The following ARID3A variants were observed in gnomAD, a reference collection of about 807,000 sequenced individuals.
The protein encoded by ARID3A is AT-rich interaction domain 3A.
In ARID3A, 11 loss-of-function variants were observed where a neutral mutation model predicts 52.7. The observed-to-expected ratio is 0.21, with a 90% CI of 0.13 to 0.35. ARID3A has a LOEUF of 0.35. Among genes scored for constraint, ARID3A ranks in the 10% least tolerant of loss-of-function variants. The pLI, the probability that ARID3A is intolerant of heterozygous loss-of-function variation, is 1.00. For missense variants in ARID3A, 721 were observed against 838.5 expected (o/e 0.86, Z 1.73); for synonymous variants, 404 against 359.4 (o/e 1.12, Z -1.40).
chr19:950,565 G>A (rs1260997040), intron 3 of ARID3A, among the ~76,000 whole-genome samples: 3 of 152,218 alleles, frequency 2.0e-5, no homozygotes, highest in Non-Finnish European at 4.4e-5. Context: ...GGAGGCGCGC[G>A]TGGGGACCGG....
chr19:950,563 G>A (rs928853642), intron 3 of ARID3A, among the ~76,000 whole-genome samples: 4 of 152,204 alleles, frequency 2.6e-5, no homozygotes, highest in Non-Finnish European at 5.9e-5. Flanking sequence ...GTGGAGGCGC[G>A]CGTGGGGACC....
intron 3 of ARID3A, among the ~76,000 whole-genome samples, chr19:949,911 T>G (rs1377788096): frequency 6.6e-6 from 1 of 152,088 alleles, no homozygotes; most frequent in African/African-American, 2.4e-5. Flanking sequence ...CCTCAGGTGA[T>G]CTGCCCACCT....
intron 4 of ARID3A, among the ~76,000 whole-genome samples, chr19:963,852 G>C (rs1348439241): frequency 6.6e-6 from 1 of 152,222 alleles, no homozygotes; most frequent in Non-Finnish European, 1.5e-5. Flanking sequence ...CAGAGCCCCT[G>C]TCAGTGTGGA....
intron 3 of ARID3A, among the ~76,000 whole-genome samples, chr19:952,523 C>T (rs1431867048): frequency 6.6e-6 from 1 of 151,916 alleles, no homozygotes; most frequent in Non-Finnish European, 1.5e-5. Flanking sequence ...GGCCAACCCT[C>T]CTGGAGGCTC....
At chr19:961,081 CT>C (rs1436946176) in intron 4 of ARID3A, among the ~76,000 whole-genome samples, 2 of 152,210 alleles carry the variant, frequency 1.3e-5, no homozygotes, top group South Asian at 4.1e-4. Context: ...CCCAACCCCC[CT>C]GGACACTCCT....
At chr19:961,855 G>A (rs2038048022) in intron 4 of ARID3A, 1 of 152,244 alleles carries the variant, frequency 6.6e-6, no homozygotes, top group African/African-American at 2.4e-5. Context: ...GGAGGCAGAG[G>A]TTGCAGTGAG....
intron 3 of ARID3A, among the ~76,000 whole-genome samples, chr19:957,244 G>A (rs4807307): frequency 0.23 from 34,779 of 152,058 alleles, 4,983 homozygotes; most frequent in East Asian, 0.33. Context: ...GAGGCGGTCG[G>A]TGGCTCATTT....
intron 3 of ARID3A, among the ~76,000 whole-genome samples, chr19:937,832 G>A (rs1329218159): frequency 4.7e-5 from 7 of 148,224 alleles, no homozygotes; most frequent in African/African-American, 1.5e-4. Flanking sequence ...TCAGCCTCCC[G>A]AGTAGCTGGG....
chr19:939,807 C>A (rs538953658), intron 3 of ARID3A, among the ~76,000 whole-genome samples: 1 of 152,124 alleles, frequency 6.6e-6, no homozygotes, highest in African/African-American at 2.4e-5. Context: ...TAACGAACAT[C>A]TTCGGGGCGT....
Position 954,282 on chromosome 19 carries a change from C to T in ARID3A, c.694-5810C>T, listed in dbSNP as rs1049890613. On this transcript the variant is annotated intron_variant, in intron 3 of 8. Transcript: ENST00000263620. ...CACGCGCTCTGTGCCTCGGTTTCCC[C>T]TTCTCCGAAGCAGGTGGTGCTGGGA... Among the ~76,000 whole-genome samples, 11 of 152,210 alleles carry T rather than the reference C, an allele frequency of 7.2e-5. 1 individual carries two copies. The highest frequency in any genetic ancestry group is 5.9e-5 in the Non-Finnish European group (4 of 68,036).
chr19:929,363 G>GCGC lies in ARID3A; in HGVS notation c.-165_-164insGCC. The GCGC allele has an allele frequency of 1.2e-5, 3 of 259,260 alleles. No homozygotes were observed. The highest frequency in any genetic ancestry group is 2.0e-5 in the Non-Finnish European group (3 of 151,228). The allele number at this position is 259,260 out of a possible 1,614,324, so 16.1% of individuals were successfully genotyped here. Reference sequence around the variant, plus strand: ...ATCAGCCTTCAGCTTGAGCCCGGCGGCCCCCGCCCCCGCCCCCTGCCACCC... The same window carrying GCGC: ...ATCAGCCTTCAGCTTGAGCCCGGCGGCGCCCCCCGCCCCCGCCCCCTGCCACCC... On this transcript the variant is annotated 5_prime_UTR_variant, in exon 2 of 9. Transcript: ENST00000263620. This position sits in a 1 kb window ranked among gnomAD's most constrained non-coding sequence, Gnocchi z 6.2.
At chr19:966,982 G>T in intron 7 of ARID3A, 114 bp downstream of exon 7, 1 of 1,291,120 alleles carries the variant, frequency 7.7e-7, no homozygotes, top group Non-Finnish European at 1.0e-6. Flanking sequence ...AAAAAGCCGG[G>T]TGCAGTGGCT....
rs533720923 is a variant in ARID3A, at chr19:929,481, CGTG to C, written c.-19_-17del. On this transcript the variant is annotated 5_prime_UTR_variant, in exon 2 of 9. Coordinates refer to ENST00000263620, the MANE Select transcript of ARID3A (RefSeq NM_005224.3). The surrounding 1 kb of genome is among the most constrained non-coding windows in gnomAD (Gnocchi z 6.2). ...GCCCCCGCCGCCCACCCCTAGCGCC[CGTG>C]GTGGTGGTGGTGGTGGTGGTGGTGG... 7,494 of 1,205,956 alleles carry C rather than the reference CGTG, an allele frequency of 6.2e-3. 1 individual carries two copies. Among genetic ancestry groups the C allele is most frequent in the Admixed American group, 0.016 (655 of 40,298 alleles). 74.7% of individuals were successfully genotyped at this position (1,205,956 alleles called of 1,614,324 possible).
At chr19:930,720 A>G (rs149047354) in intron 2 of ARID3A, among the ~76,000 whole-genome samples, 39,393 of 149,982 alleles carry the variant, frequency 0.26, 5,359 homozygotes, top group East Asian at 0.43. Context: ...CATGTTAGCC[A>G]AGATGGTCTC....
intron 3 of ARID3A, among the ~76,000 whole-genome samples, chr19:957,626 A>T (rs2037949980): frequency 6.6e-6 from 1 of 152,158 alleles, no homozygotes; most frequent in Non-Finnish European, 1.5e-5. Flanking sequence ...GGATCGAGGG[A>T]GCCCAGGAGG....
chr19:965,809 T>A (rs1198061155), intron 6 of ARID3A, among the ~76,000 whole-genome samples: 2 of 151,384 alleles, frequency 1.3e-5, no homozygotes, highest in African/African-American at 4.9e-5. Flanking sequence ...CTAATCAATA[T>A]GGTGAAACCC....
intron 3 of ARID3A, among the ~76,000 whole-genome samples, chr19:955,598 C>T (rs1359836318): frequency 6.6e-6 from 1 of 152,164 alleles, no homozygotes; most frequent in African/African-American, 2.4e-5. Flanking sequence ...GTAGCTGGGG[C>T]GCCAGGTGCT....
chr19:944,986 C>T lies in ARID3A; in HGVS notation c.693+12244C>T, dbSNP rs531134926. On this transcript the variant is annotated intron_variant, in intron 3 of 8. Coordinates refer to ENST00000263620, the MANE Select transcript of ARID3A (RefSeq NM_005224.3). This position sits in a 1 kb window ranked among gnomAD's most constrained non-coding sequence, Gnocchi z 5.9. Reference sequence around the variant, plus strand: ...ACGTCGCCCTGTAATTCTTCCCTGACGGCCATTTTTCCGGGAGTGGCTGGG... The same window carrying T: ...ACGTCGCCCTGTAATTCTTCCCTGATGGCCATTTTTCCGGGAGTGGCTGGG... Among the ~76,000 whole-genome samples, 95 of 152,308 alleles carry T rather than the reference C, an allele frequency of 6.2e-4. No individual in the cohort carries two copies. Among genetic ancestry groups the T allele is most frequent in the Middle Eastern group, 3.4e-3 (1 of 294 alleles).
In ARID3A at chr19:975,008, G is replaced by A. The variant is rs1423263167; in HGVS notation, c.*2943G>A. On this transcript the variant is annotated 3_prime_UTR_variant, in exon 9 of 9. Transcript: ENST00000263620. Reference sequence around the variant, plus strand: ...GGTCCTGGATACTCGGCAGGAAGCCGTGTCTGCAGAGGCTCCTCCCTGCCT... The same window carrying A: ...GGTCCTGGATACTCGGCAGGAAGCCATGTCTGCAGAGGCTCCTCCCTGCCT... The A allele has an allele frequency of 1.7e-5, 4 of 232,256 alleles. No individual in the cohort carries two copies. The highest frequency in any genetic ancestry group is 4.4e-5 in the African/African-American group (2 of 45,276). The allele number at this position is 232,256 out of a possible 1,614,324, so 14.4% of individuals were successfully genotyped here. A position where few individuals can be genotyped will look rare whatever the true frequency, so the allele number is the denominator to read the frequency against.
Sources: gnomAD v4.1 joint callset for allele counts (sites outside exome capture counted in the v4.1 genomes callset) on GRCh38, gnomAD v4.1.1 for gene constraint, Gnocchi (gnomAD v3.1) non-coding constraint, MANE v1.5 for transcripts, NCBI Gene and HGNC (gene_info 2026-07-23, HGNC 2026-07-21) for gene names.